The following SLC43A2 variants were observed in gnomAD, a reference collection of about 807,000 sequenced individuals.
SLC43A2 encodes the protein large neutral amino acids transporter small subunit 4.
A neutral mutation model predicts 63.2 loss-of-function variants in SLC43A2; 38 were observed. That is an observed-to-expected ratio of 0.60 (90% CI 0.46 to 0.79). The LOEUF (loss-of-function observed/expected upper bound fraction) is 0.79, where lower values mean the gene tolerates loss of function less well. Ranked by LOEUF, SLC43A2 falls within the 30% of genes least tolerant of loss-of-function variation. The pLI, the probability that SLC43A2 is intolerant of heterozygous loss-of-function variation, is 0.00. For synonymous variants in SLC43A2, 322 were observed against 331.0 expected, an observed-to-expected ratio of 0.97 and a Z score of 0.30; for missense variants, 644 against 756.2, an observed-to-expected ratio of 0.85 and a Z score of 1.74.
rs1567600883 is a variant in SLC43A2, at chr17:1,573,631, T to C, written c.*1973A>G. ...GTTTATCTCGTTCTCTTTTTTTTTT[T>C]CTTTTTGAGACGGAGCCTCGCTCTG... On this transcript the variant is annotated 3_prime_UTR_variant, in exon 14 of 14. Transcript: ENST00000301335. The C allele has an allele frequency of 6.6e-6, 1 of 152,220 alleles. No homozygotes were observed. The highest frequency in any genetic ancestry group is 1.5e-5 in the Non-Finnish European group (1 of 68,062). 9.4% of individuals were successfully genotyped at this position (152,220 alleles called of 1,614,324 possible). A position where few individuals can be genotyped will look rare whatever the true frequency, so the allele number is the denominator to read the frequency against.
chr17:1,584,339 G>A (rs373522062), intron 10 of SLC43A2, among the ~76,000 whole-genome samples: 24 of 152,206 alleles, frequency 1.6e-4, no homozygotes, highest in East Asian at 5.8e-4. Context: ...CTAACTGTGC[G>A]GCCCTAGGCA....
chr17:1,583,374 C>T lies in SLC43A2; in HGVS notation c.1218-38G>A. 1.2e-6 allele frequency: 2 copies of T among 1,605,944 alleles called. No individual in the cohort carries two copies. Among genetic ancestry groups the T allele is most frequent in the Non-Finnish European group, 1.7e-6 (2 of 1,173,508 alleles). On this transcript the variant is annotated intron_variant, in intron 10 of 13. Coordinates refer to ENST00000301335, the MANE Select transcript of SLC43A2 (RefSeq NM_152346.3). This position sits in a 1 kb window ranked among gnomAD's most constrained non-coding sequence, Gnocchi z 5.5. Reference sequence around the variant, plus strand: ...AGAACGTGCAGGGGTGGGAGGGCTCCCCGGAGGAAGCCGGGTGCTCCTGAG... The same window carrying T: ...AGAACGTGCAGGGGTGGGAGGGCTCTCCGGAGGAAGCCGGGTGCTCCTGAG...
At position 1,575,358 on chromosome 17, in the gene SLC43A2, G is replaced by C; in HGVS notation, c.*246C>G. ...AGGCACCACAGAGACCCCAGGCCCC[G>C]GGTCCCCGGGGGGCGGCAGAGCAAA... On this transcript the variant is annotated 3_prime_UTR_variant, in exon 14 of 14. Coordinates refer to ENST00000301335, the MANE Select transcript of SLC43A2 (RefSeq NM_152346.3). The C allele has an allele frequency of 1.8e-6, 1 of 553,420 alleles. No individual in the cohort carries two copies. Among genetic ancestry groups the C allele is most frequent in the Non-Finnish European group, 3.2e-6 (1 of 314,874 alleles). The allele number at this position is 553,420 out of a possible 1,614,324, so 34.3% of individuals were successfully genotyped here.
chr17:1,616,276 C>A, intron 3 of SLC43A2: 1 of 447,224 alleles, frequency 2.2e-6, no homozygotes, highest in Non-Finnish European at 4.0e-6. Context: ...AATTATCATG[C>A]TTATGAACTA....
chr17:1,627,422 C>T (rs116420279), intron 2 of SLC43A2, among the ~76,000 whole-genome samples: 65 of 152,274 alleles, frequency 4.3e-4, no homozygotes, highest in African/African-American at 1.5e-3. Context: ...CAGCACTGTT[C>T]GTAGCGGGTG....
intron 2 of SLC43A2, among the ~76,000 whole-genome samples, chr17:1,620,423 C>G (rs1441250994): frequency 6.6e-6 from 1 of 152,134 alleles, no homozygotes; most frequent in Non-Finnish European, 1.5e-5. Flanking sequence ...CTGGTCACCC[C>G]TTTAACCACA....
At chr17:1,582,011 TGGATA>T (rs1476949482) in intron 11 of SLC43A2, among the ~76,000 whole-genome samples, 1 of 151,480 alleles carries the variant, frequency 6.6e-6, no homozygotes, top group African/African-American at 2.4e-5. Flanking sequence ...TTCACCATTT[TGGATA>T]GGCTAGTCTC....
At chr17:1,615,572 G>A (rs1290242467) in intron 3 of SLC43A2, among the ~76,000 whole-genome samples, 4 of 148,548 alleles carry the variant, frequency 2.7e-5, no homozygotes, top group East Asian at 2.0e-4. Context: ...GGCCAGGCAC[G>A]ATGGCTCACG....
chr17:1,599,022 C>T (rs138981722), intron 5 of SLC43A2, among the ~76,000 whole-genome samples: 1 of 152,358 alleles, frequency 6.6e-6, no homozygotes, highest in East Asian at 1.9e-4. Context: ...ACACTGACAT[C>T]TTGTATTTTT....
chr17:1,570,696 C>T lies in SLC43A2; in HGVS notation c.*4908G>A, dbSNP rs551797665. The T allele has an allele frequency of 4.6e-5, 7 of 151,396 alleles. No individual in the cohort carries two copies. The highest frequency in any genetic ancestry group is 2.0e-4 in the East Asian group (1 of 5,120). 9.4% of individuals were successfully genotyped at this position (151,396 alleles called of 1,614,324 possible). A position where few individuals can be genotyped will look rare whatever the true frequency, so the allele number is the denominator to read the frequency against. ...AGAGACGGGGTTTCACCGTTTTAGC[C>T]GGGATGGTCTTGATCTCCTGACCTC... is the stretch of plus-strand genomic sequence containing the variant. On this transcript the variant is annotated 3_prime_UTR_variant, in exon 14 of 14. Coordinates refer to ENST00000301335, the MANE Select transcript of SLC43A2 (RefSeq NM_152346.3).
chr17:1,599,407 A>C (rs1055412941), intron 5 of SLC43A2, among the ~76,000 whole-genome samples: 1 of 151,618 alleles, frequency 6.6e-6, no homozygotes, highest in Non-Finnish European at 1.5e-5. Context: ...ATAAGGTAAA[A>C]ATCACCCTGA....
chr17:1,615,794 G>T (rs1209851143), intron 3 of SLC43A2, among the ~76,000 whole-genome samples: 1 of 148,492 alleles, frequency 6.7e-6, no homozygotes, highest in Non-Finnish European at 1.5e-5. Flanking sequence ...AGTGAGCCGA[G>T]ATCGCGCCGC....
intron 5 of SLC43A2, among the ~76,000 whole-genome samples, chr17:1,609,896 ATG>A (rs1423585514): frequency 6.6e-6 from 1 of 151,598 alleles, no homozygotes; most frequent in East Asian, 1.9e-4. Context: ...TTCCAAACTG[ATG>A]AAGACAGGCT....
In SLC43A2 at chr17:1,571,860, AGAGTCTAGT is replaced by A. The variant is rs2151021385; in HGVS notation, c.*3735_*3743del. The A allele has an allele frequency of 1.3e-5, 2 of 152,360 alleles. No homozygotes were observed. Among genetic ancestry groups the A allele is most frequent in the Admixed American group, 1.3e-4 (2 of 15,296 alleles). The allele number at this position is 152,360 out of a possible 1,614,324, so 9.4% of individuals were successfully genotyped here. On this transcript the variant is annotated 3_prime_UTR_variant, in exon 14 of 14. Transcript: ENST00000301335. This position sits in a 1 kb window ranked among gnomAD's most constrained non-coding sequence, Gnocchi z 5.2. Reference sequence around the variant, plus strand: ...GACCACAAAGACACGCCTAGACCCCAGAGTCTAGTGAGGAGAGGGACTGGGGGCAGTGTT... The same window carrying A: ...GACCACAAAGACACGCCTAGACCCCAGAGGAGAGGGACTGGGGGCAGTGTT...
intron 11 of SLC43A2, among the ~76,000 whole-genome samples, chr17:1,580,019 T>G (rs905365545): frequency 6.6e-6 from 1 of 151,756 alleles, no homozygotes; most frequent in African/African-American, 2.4e-5. Context: ...CTCCGCCTCC[T>G]GGATTCAAGC....
intron 5 of SLC43A2, among the ~76,000 whole-genome samples, chr17:1,608,517 C>T (rs1448115746): frequency 1.3e-5 from 2 of 152,108 alleles, no homozygotes; most frequent in Non-Finnish European, 2.9e-5. Context: ...CCTCAGCCTC[C>T]CGAGTAGCTG....
At position 1,618,764 on chromosome 17, in the gene SLC43A2, C is replaced by G. The variant is rs192147244; in HGVS notation, c.161-1995G>C. ...CTTTGGGAGGCAGAGGCGGGTGGAT[C>G]GCCCGAGGTCAGGAGTTCAAGACCA... On this transcript the variant is annotated intron_variant, in intron 2 of 13. Coordinates refer to ENST00000301335, the MANE Select transcript of SLC43A2 (RefSeq NM_152346.3). Among the ~76,000 whole-genome samples the G allele has an allele frequency of 4.4e-3, 668 of 152,312 alleles. 5 individuals carry two copies. Among genetic ancestry groups the G allele is most frequent in the African/African-American group, 0.015 (625 of 41,570 alleles).
At position 1,569,636 on chromosome 17, in the gene SLC43A2, C is replaced by T. The variant is rs2075817767; in HGVS notation, c.*5968G>A. ...GCACACAGTCAGAGGCACGGTCCCG[C>T]AGCTGTATGAGGATGCGGTGTACAG... On this transcript the variant is annotated 3_prime_UTR_variant, in exon 14 of 14. Transcript: ENST00000301335. 1 of 152,396 alleles carries T rather than the reference C, an allele frequency of 6.6e-6. No individual in the cohort carries two copies. The highest frequency in any genetic ancestry group is 6.5e-5 in the Admixed American group (1 of 15,276). 9.4% of individuals were successfully genotyped at this position (152,396 alleles called of 1,614,324 possible). A position where few individuals can be genotyped will look rare whatever the true frequency, so the allele number is the denominator to read the frequency against.
At chr17:1,594,801 G>C (rs1905147699) in intron 5 of SLC43A2, among the ~76,000 whole-genome samples, 1 of 151,546 alleles carries the variant, frequency 6.6e-6, no homozygotes, top group African/African-American at 2.4e-5. Flanking sequence ...CGTTAGCCAG[G>C]ATGGTCTGGA....
Sources: allele counts gnomAD v4.1 joint callset (sites outside exome capture counted in the v4.1 genomes callset), GRCh38; gene constraint gnomAD v4.1.1; non-coding constraint Gnocchi (gnomAD v3.1); transcripts MANE v1.5; gene names NCBI Gene and HGNC (gene_info 2026-07-23, HGNC 2026-07-21).